Variants in NEXMIF observed in about 807,000 individuals in gnomAD.
NEXMIF encodes neurite extension and migration factor.
A neutral mutation model predicts 62.1 loss-of-function variants in NEXMIF; 8 were observed. The ratio of observed to expected loss-of-function variants is 0.13; its 90% CI spans 0.08 to 0.23. The LOEUF (loss-of-function observed/expected upper bound fraction) is 0.23, where lower values mean the gene tolerates loss of function less well. Among genes scored for constraint, NEXMIF ranks in the 10% least tolerant of loss-of-function variants. The pLI, the probability that NEXMIF is intolerant of heterozygous loss-of-function variation, is 1.00. For synonymous variants in NEXMIF, 404 were observed against 416.6 expected (o/e 0.97, Z 0.37); for missense variants, 976 against 1,113.3 (o/e 0.88, Z 1.75).
intron 1 of NEXMIF, among the ~76,000 whole-genome samples, chrX:74,893,334 C>T (rs192492115): frequency 2.3e-4 from 26 of 112,192 alleles, no homozygotes; most frequent in Admixed American, 2.3e-3. Context: ...TCTATCTTTG[C>T]CACCTGCTTC....
chrX:74,746,413 C>T (rs1432184610), intron 1 of NEXMIF, among the ~76,000 whole-genome samples: 2 of 111,741 alleles, frequency 1.8e-5, no homozygotes, highest in African/African-American at 6.5e-5. Flanking sequence ...CTATCTGTAG[C>T]CCTTCATCTC....
intron 1 of NEXMIF, among the ~76,000 whole-genome samples, chrX:74,784,003 G>A (rs1159979098): frequency 5.4e-5 from 6 of 111,190 alleles, no homozygotes; most frequent in South Asian, 7.7e-4. Flanking sequence ...AGTCATTTCC[G>A]TCATCCTTAG....
intron 1 of NEXMIF, among the ~76,000 whole-genome samples, chrX:74,881,394 A>G (rs1229580054): frequency 1.0e-5 from 1 of 97,904 alleles, no homozygotes; most frequent in Non-Finnish European, 2.0e-5. Context: ...ATACACATGC[A>G]CACACACACA....
chrX:74,888,566 T>C (rs768457659), intron 1 of NEXMIF, among the ~76,000 whole-genome samples: 2 of 110,151 alleles, frequency 1.8e-5, no homozygotes, highest in South Asian at 7.9e-4. Flanking sequence ...AGGGGAGGGA[T>C]AGCATTAGGA....
Position 74,735,208 on chromosome X carries a change from A to G in NEXMIF, c.*4197T>C, listed in dbSNP as rs1352491710. On this transcript the variant is annotated 3_prime_UTR_variant, in exon 4 of 4. Coordinates refer to ENST00000055682, the MANE Select transcript of NEXMIF (RefSeq NM_001008537.3). The stretch of plus-strand genomic sequence containing the variant: ...TACTCCTTAAATTAGATAATTTCTC[A>G]ATAATAAAGGAGAAAATAAACATTT... The G allele has an allele frequency of 8.9e-6, 1 of 111,923 alleles. No individual in the cohort carries two copies. Among genetic ancestry groups the G allele is most frequent in the Non-Finnish European group, 1.9e-5 (1 of 53,192 alleles). 9.2% of individuals were successfully genotyped at this position (111,923 alleles called of 1,213,427 possible).
chrX:74,744,957 TCCTCCC>T (rs2080121912), intron 2 of NEXMIF, among the ~76,000 whole-genome samples: 1 of 92,661 alleles, frequency 1.1e-5, no homozygotes, highest in Non-Finnish European at 2.2e-5. Context: ...CTCTTCTCTC[TCCTCCC>T]TCTCTCTCCC....
Position 74,734,870 on chromosome X carries a change from AAT to A in NEXMIF, c.*4533_*4534del, listed in dbSNP as rs1338032341. 1.8e-5 allele frequency: 2 copies of A among 112,108 alleles called. No individual in the cohort carries two copies. The highest frequency in any genetic ancestry group is 3.3e-5 in the African/African-American group (1 of 30,756). The allele number at this position is 112,108 out of a possible 1,213,427, so 9.2% of individuals were successfully genotyped here. Reference sequence around the variant, plus strand: ...GTAGCCTGAGTCCTGTCATCAAAATAATCACATGCTGGCTGAGGACCCTCAAG... The same window carrying A: ...GTAGCCTGAGTCCTGTCATCAAAATACACATGCTGGCTGAGGACCCTCAAG... On this transcript the variant is annotated 3_prime_UTR_variant, in exon 4 of 4. Transcript: ENST00000055682.
chrX:74,856,737 A>G (rs1344323262), intron 1 of NEXMIF, among the ~76,000 whole-genome samples: 1 of 111,745 alleles, frequency 8.9e-6, no homozygotes, highest in Non-Finnish European at 1.9e-5. Flanking sequence ...TTTTAACTTA[A>G]TATTTCTGAA....
Position 74,735,201 on chromosome X carries a change from A to C in NEXMIF, c.*4204T>G, listed in dbSNP as rs1300045165. On this transcript the variant is annotated 3_prime_UTR_variant, in exon 4 of 4. Transcript: ENST00000055682. ...AAATGGTTACTCCTTAAATTAGATA[A>C]TTTCTCAATAATAAAGGAGAAAATA... The C allele has an allele frequency of 8.9e-6, 1 of 111,841 alleles. No homozygotes were observed. Among genetic ancestry groups the C allele is most frequent in the Non-Finnish European group, 1.9e-5 (1 of 53,158 alleles). 9.2% of individuals were successfully genotyped at this position (111,841 alleles called of 1,213,427 possible). A position where few individuals can be genotyped will look rare whatever the true frequency, so the allele number is the denominator to read the frequency against.
At chrX:74,840,617 G>A (rs2080470872) in intron 1 of NEXMIF, among the ~76,000 whole-genome samples, 1 of 111,736 alleles carries the variant, frequency 8.9e-6, no homozygotes, top group Non-Finnish European at 1.9e-5. Flanking sequence ...TATAGTTTTG[G>A]GTTTTACATT....
Position 74,740,690 on chromosome X carries a change from G to A in NEXMIF, c.3867C>T (p.Ser1289=), listed in dbSNP as rs750003737. 1.7e-6 allele frequency: 2 copies of A among 1,211,893 alleles called. No homozygotes were observed. The highest frequency in any genetic ancestry group is 2.2e-5 in the Admixed American group (1 of 46,086). The change falls in exon 3 of 4, where the codon AGC becomes AGT. Residue 1289 remains serine (S), a synonymous_variant. Transcript: ENST00000055682. ...TGCTCATATCACTCCAGCCTGGGCT[G>A]CTCTCCTTCCCCAAGGCCCAATCTC... ...LSGDWALGKE[S]SPGWSDMSMG...
rs2080656595 is a variant in NEXMIF, at chrX:74,880,062, C to T, written c.-48+44821G>A. On this transcript the variant is annotated intron_variant, in intron 1 of 3. Coordinates refer to ENST00000055682, the MANE Select transcript of NEXMIF (RefSeq NM_001008537.3). ...TCACCATTGAACTGTATCACATTTG[C>T]TAATGGCTGCCAGGCTCAACCATAC... 2.7e-5 allele frequency among the ~76,000 whole-genome samples: 3 copies of T among 112,223 alleles called. 1 individual carries two copies. The South Asian group carries it at 1.1e-3, about 41-fold the overall frequency.
At chrX:74,862,389 T>C (rs181650623) in intron 1 of NEXMIF, among the ~76,000 whole-genome samples, 1 of 110,132 alleles carries the variant, frequency 9.1e-6, no homozygotes, top group African/African-American at 3.3e-5. Flanking sequence ...ACAATAATAG[T>C]GGGAGACTTT....
At chrX:74,841,960 C>T (rs770735652) in intron 1 of NEXMIF, among the ~76,000 whole-genome samples, 3 of 111,408 alleles carry the variant, frequency 2.7e-5, no homozygotes, top group African/African-American at 6.5e-5. Context: ...TGTGTCTCCG[C>T]CAGGTTTTGA....
intron 1 of NEXMIF, among the ~76,000 whole-genome samples, chrX:74,881,254 C>T (rs985257104): frequency 9.0e-6 from 1 of 110,772 alleles, no homozygotes; most frequent in African/African-American, 3.3e-5. Flanking sequence ...AGCCTGGTAC[C>T]CCAAGTGAAT....
Position 74,745,550 on chromosome X carries a change from T to C in NEXMIF, c.79+22A>G, listed in dbSNP as rs373030980. On this transcript the variant is annotated intron_variant, in intron 2 of 3. Coordinates refer to ENST00000055682, the MANE Select transcript of NEXMIF (RefSeq NM_001008537.3). ...AGGACTACCAGGAGAGATATTAATATACTATAATTAAATTCCCTTACCATT... is the reference window on the plus strand; with the variant it reads ...AGGACTACCAGGAGAGATATTAATACACTATAATTAAATTCCCTTACCATT... 156 of 1,059,713 alleles carry C rather than the reference T, an allele frequency of 1.5e-4. No individual in the cohort carries two copies. Among genetic ancestry groups the C allele is most frequent in the African/African-American group, 6.6e-4 (36 of 54,389 alleles). The allele number at this position is 1,059,713 out of a possible 1,213,427, so 87.3% of individuals were successfully genotyped here.
chrX:74,805,899 C>G (rs922793192), intron 1 of NEXMIF, among the ~76,000 whole-genome samples: 1 of 111,425 alleles, frequency 9.0e-6, no homozygotes, highest in Admixed American at 9.5e-5. Context: ...GTTACTGTAG[C>G]CTTGTAGTAT....
At position 74,738,031 on chromosome X, in the gene NEXMIF, T is replaced by C. The variant is rs1469328304; in HGVS notation, c.*1374A>G. The stretch of plus-strand genomic sequence containing the variant: ...CATCAGATGCACAGGCCTTCAATTG[T>C]GCAAAGAAAAGAGATCAAATGTTAG... On this transcript the variant is annotated 3_prime_UTR_variant, in exon 4 of 4. Coordinates refer to ENST00000055682, the MANE Select transcript of NEXMIF (RefSeq NM_001008537.3). The C allele has an allele frequency of 9.0e-6, 1 of 111,132 alleles. No individual in the cohort carries two copies. The highest frequency in any genetic ancestry group is 3.3e-5 in the African/African-American group (1 of 30,523). 9.2% of individuals were successfully genotyped at this position (111,132 alleles called of 1,213,427 possible).
At chrX:74,924,595 C>G (rs968599571) in intron 1 of NEXMIF, among the ~76,000 whole-genome samples, 1 of 113,505 alleles carries the variant, frequency 8.8e-6, no homozygotes, top group African/African-American at 3.2e-5. Flanking sequence ...CGGCTCCGGT[C>G]CGCTCGCTTC....
Sources: gnomAD v4.1 joint callset for allele counts (sites outside exome capture counted in the v4.1 genomes callset) on GRCh38, gnomAD v4.1.1 for gene constraint, MANE v1.5 for transcripts, NCBI Gene and HGNC (gene_info 2026-07-23, HGNC 2026-07-21) for gene names.